VCF1: variants seen among roughly 807,000 people sequenced by gnomAD.
VCF1 encodes VCP nuclear cofactor family member 1.
chr17:73,228,004 C>T, the VCF1 span, among the ~76,000 whole-genome samples: 3 of 152,106 alleles, frequency 2.0e-5, no homozygotes, highest in Admixed American at 1.3e-4. Context: ...TCAAATTGCC[C>T]GGAACTGTAC....
At chr17:73,210,757 ATTTT>A in the VCF1 span, among the ~76,000 whole-genome samples, 4 of 135,096 alleles carry the variant, frequency 3.0e-5, no homozygotes, top group Non-Finnish European at 1.6e-5. Flanking sequence ...ATGCCTCGTT[ATTTT>A]TTTTTTTTTT....
the VCF1 span, among the ~76,000 whole-genome samples, chr17:73,225,876 A>AT: frequency 1.5e-4 from 15 of 102,630 alleles, no homozygotes; most frequent in African/African-American, 4.9e-4. Flanking sequence ...AAATATATAT[A>AT]TATATAATAT....
At chr17:73,232,259 C>G in the VCF1 span, 1 of 1,609,954 alleles carries the variant, frequency 6.2e-7, no homozygotes, top group South Asian at 1.1e-5. Context: ...ACCCCTCAGT[C>G]GGACCCGTAC....
chr17:73,222,212 AATT>A, the VCF1 span, among the ~76,000 whole-genome samples: 1 of 150,996 alleles, frequency 6.6e-6, no homozygotes. Context: ...AAAAAAAAAA[AATT>A]AAATTAGTAA....
the VCF1 span, chr17:73,207,565 A>G: frequency 4.3e-6 from 3 of 699,404 alleles, no homozygotes; most frequent in Non-Finnish European, 6.8e-6. Context: ...CGGCACTATC[A>G]TTGTACTTGT....
the VCF1 span, chr17:73,212,595 T>C: frequency 1.8e-6 from 2 of 1,128,802 alleles, no homozygotes; most frequent in African/African-American, 1.6e-5. Flanking sequence ...CCTAACCTAG[T>C]ATAACAATGT....
the VCF1 span, among the ~76,000 whole-genome samples, chr17:73,222,035 C>CAA: frequency 7.4e-3 from 593 of 80,646 alleles, 27 homozygotes; most frequent in African/African-American, 0.016. Context: ...GACTCTGTCT[C>CAA]AAAAAAAAAA....
the VCF1 span, among the ~76,000 whole-genome samples, chr17:73,228,788 G>A: frequency 6.6e-6 from 1 of 152,200 alleles, no homozygotes; most frequent in Non-Finnish European, 1.5e-5. Flanking sequence ...ATATGATCAG[G>A]GAATTTGAGT....
the VCF1 span, among the ~76,000 whole-genome samples, chr17:73,217,403 A>C: frequency 2.6e-5 from 4 of 151,164 alleles, no homozygotes; most frequent in Non-Finnish European, 5.9e-5. Flanking sequence ...CTGTAATCCC[A>C]GGACTTTGGA....
At chr17:73,229,232 C>G in the VCF1 span, 1 of 985,452 alleles carries the variant, frequency 1.0e-6, no homozygotes, top group Non-Finnish European at 1.2e-6. Flanking sequence ...AAGAAAGAGT[C>G]CTACCTGCTC....
At chr17:73,224,950 C>G in the VCF1 span, among the ~76,000 whole-genome samples, 1,012 of 89,100 alleles carry the variant, frequency 0.011, 41 homozygotes, top group East Asian at 0.036. Flanking sequence ...CACAGCACAG[C>G]ACAGGACAGG....
At chr17:73,225,161 C>T in the VCF1 span, among the ~76,000 whole-genome samples, 28 of 152,278 alleles carry the variant, frequency 1.8e-4, no homozygotes, top group East Asian at 2.3e-3. Context: ...TGACCTTAAA[C>T]GATAAGGAAG....
chr17:73,209,151 T>G, the VCF1 span: 1 of 225,176 alleles, frequency 4.4e-6, no homozygotes, highest in Non-Finnish European at 8.8e-6. Flanking sequence ...ATAAAAAAAA[T>G]TGAAGATCCC....
At chr17:73,218,763 T>G in the VCF1 span, among the ~76,000 whole-genome samples, 1 of 152,100 alleles carries the variant, frequency 6.6e-6, no homozygotes, top group African/African-American at 2.4e-5. Flanking sequence ...CTCACGCCTG[T>G]AATCCCACCA....
chr17:73,224,659 T>C, the VCF1 span, among the ~76,000 whole-genome samples: 2 of 152,256 alleles, frequency 1.3e-5, no homozygotes, highest in African/African-American at 4.8e-5. Context: ...ACTTGATTTT[T>C]TGCTGCTACA....
the VCF1 span, among the ~76,000 whole-genome samples, chr17:73,223,646 TAA>T: frequency 6.6e-6 from 1 of 150,844 alleles, no homozygotes; most frequent in Non-Finnish European, 1.5e-5. Flanking sequence ...CTCTTAGAAT[TAA>T]AAAAAAAATT....
At chr17:73,232,162 AG>A in the VCF1 span, 1 of 1,609,980 alleles carries the variant, frequency 6.2e-7, no homozygotes, top group South Asian at 1.1e-5. Context: ...GAGGGAACAG[AG>A]GGGGTTGTGT....
the VCF1 span, chr17:73,232,341 G>C: frequency 1.1e-5 from 17 of 1,531,300 alleles, no homozygotes; most frequent in Non-Finnish European, 1.5e-5. Flanking sequence ...TCTCGCGGCT[G>C]CGCAGTGGCA....
chr17:73,229,648 T>G, the VCF1 span: 3 of 903,260 alleles, frequency 3.3e-6, no homozygotes, highest in Non-Finnish European at 4.0e-6. Context: ...GGCAGATCAC[T>G]TGAGGTCAGG....
Sources: gnomAD v4.1 joint callset for allele counts (sites outside exome capture counted in the v4.1 genomes callset) on GRCh38, gnomAD v4.1.1 for gene constraint, MANE v1.5 for transcripts, NCBI Gene and HGNC (gene_info 2026-07-23, HGNC 2026-07-21) for gene names.